Variants in ART1 observed in about 807,000 individuals in gnomAD.
ART1 encodes the protein GPI-linked NAD(P)(+)--arginine ADP-ribosyltransferase 1.
A neutral mutation model predicts 27.0 loss-of-function variants in ART1; 29 were observed. The observed-to-expected ratio is 1.08, with a 90% confidence interval of 0.80 to 1.47. ART1 has a LOEUF of 1.47. Among genes scored for constraint, ART1 ranks in the 40% most tolerant of loss-of-function variants. ART1 has a pLI of 0.00. For missense variants in ART1, 480 were observed against 423.0 expected (o/e 1.13, Z -1.18); for synonymous variants, 201 against 172.2 (o/e 1.17, Z -1.31).
chr11:3,651,313 A>G (rs1378332561), intron 1 of ART1, among the ~76,000 whole-genome samples: 1 of 151,056 alleles, frequency 6.6e-6, no homozygotes, highest in Admixed American at 6.6e-5. Context: ...AAGGCTTCAC[A>G]GACAGCCCCC....
rs529846884 is a variant in ART1, at chr11:3,662,156, T to C, written c.886+743T>C. Among the ~76,000 whole-genome samples the C allele has an allele frequency of 6.2e-4, 94 of 152,352 alleles. No homozygotes were observed. In the South Asian group the frequency reaches 0.013, roughly 20 times the overall value. On this transcript the variant is annotated intron_variant, in intron 4 of 4. Coordinates refer to ENST00000250693, the MANE Select transcript of ART1 (RefSeq NM_004314.3). ...GAAGGCCATGAGGCCAGGCTTTTGG[T>C]GCTGGAGGCCTGGGCTCTAGTCCAG...
chr11:3,659,886 G>C lies in ART1; in HGVS notation c.367G>C (p.Ala123Pro). 1 of 1,612,728 alleles carries C rather than the reference G, an allele frequency of 6.2e-7. No homozygotes were observed. The highest frequency in any genetic ancestry group is 1.3e-5 in the African/African-American group (1 of 75,048). ...EHGVALLAYT[A>P]NSPLHKEFNA... ...TGGGGTGGCCCTCCTGGCCTACACA[G>C]CCAACAGCCCCCTGCACAAGGAGTT... Residue 123 changes from alanine (A) to proline (P), a missense_variant, in exon 3 of 5, where the codon GCC (alanine) becomes CCC (proline). Ala to Pro is a conservative substitution (Grantham distance 27, BLOSUM62 -1). Coordinates refer to ENST00000250693, the MANE Select transcript of ART1 (RefSeq NM_004314.3).
intron 1 of ART1, among the ~76,000 whole-genome samples, chr11:3,656,655 T>A (rs1264355631): frequency 1.3e-5 from 2 of 152,112 alleles, no homozygotes; most frequent in Non-Finnish European, 2.9e-5. Context: ...GTTGTCCGGA[T>A]GTATTTTTTT....
chr11:3,653,026 C>A (rs61878543), intron 1 of ART1, among the ~76,000 whole-genome samples: 1 of 147,722 alleles, frequency 6.8e-6, no homozygotes, highest in African/African-American at 2.6e-5. Flanking sequence ...TTTCTTCTAA[C>A]AACCCCACAA....
At chr11:3,651,963 G>A (rs190236586) in intron 1 of ART1, among the ~76,000 whole-genome samples, 24,839 of 146,972 alleles carry the variant, frequency 0.17, 2,713 homozygotes, top group African/African-American at 0.31. Flanking sequence ...AGCAAAGGCA[G>A]GCTATGCTAT....
At chr11:3,657,142 G>C (rs967624142) in intron 1 of ART1, among the ~76,000 whole-genome samples, 2 of 152,196 alleles carry the variant, frequency 1.3e-5, no homozygotes, top group Admixed American at 6.5e-5. Context: ...AATGAGATTG[G>C]GGGCAGAGGC....
intron 1 of ART1, among the ~76,000 whole-genome samples, chr11:3,651,419 GATTA>G (rs1205720330): frequency 7.3e-6 from 1 of 136,638 alleles, no homozygotes; most frequent in African/African-American, 2.9e-5. Flanking sequence ...GATAGTGTCT[GATTA>G]ATCTCCCAAA....
intron 1 of ART1, among the ~76,000 whole-genome samples, chr11:3,655,275 A>T (rs369781020): frequency 6.6e-6 from 1 of 152,210 alleles, no homozygotes; most frequent in Non-Finnish European, 1.5e-5. Flanking sequence ...GGGTGCAGTG[A>T]GCTTCTTTGT....
Position 3,649,611 on chromosome 11 carries a change from T to A in ART1, c.-53+4432T>A, listed in dbSNP as rs148870616. ...CTCGCCAGGCTGAGCTAGGTCCCAA[T>A]TCTTCCTCAGCCTCAGCTCCTCCAC... On this transcript the variant is annotated intron_variant, in intron 1 of 4. Transcript: ENST00000250693. Among the ~76,000 whole-genome samples the A allele has an allele frequency of 9.7e-3, 1,475 of 152,202 alleles. 16 individuals are homozygous for A. The highest frequency in any genetic ancestry group is 0.029 in the African/African-American group (1,205 of 41,460).
chr11:3,663,073 CTCA>C (rs368163137), intron 4 of ART1, among the ~76,000 whole-genome samples: 658 of 99,398 alleles, frequency 6.6e-3, no homozygotes, highest in African/African-American at 0.012. Context: ...CTCATCTCAT[CTCA>C]TCATCTCATC....
intron 1 of ART1, among the ~76,000 whole-genome samples, chr11:3,648,636 C>G (rs1370385104): frequency 6.6e-6 from 1 of 152,206 alleles, no homozygotes; most frequent in Admixed American, 6.5e-5. Flanking sequence ...GCGCCGGTCA[C>G]GGACTGGGAA....
chr11:3,661,488 A>AAC, intron 4 of ART1, 75 bp downstream of exon 4: 1 of 365,738 alleles, frequency 2.7e-6, no homozygotes, highest in Non-Finnish European at 4.5e-6. Flanking sequence ...CATCACCTCG[A>AAC]TCTTTTTTTT....
At chr11:3,658,429 G>T (rs775227763) in intron 1 of ART1, among the ~76,000 whole-genome samples, 1 of 151,950 alleles carries the variant, frequency 6.6e-6, no homozygotes, top group Non-Finnish European at 1.5e-5. Flanking sequence ...GAACCACTTC[G>T]GGCACTCCGC....
At chr11:3,661,470 G>A (rs1708632073) in intron 4 of ART1, 57 bp downstream of exon 4, 2 of 1,311,104 alleles carry the variant, frequency 1.5e-6, no homozygotes, top group African/African-American at 1.5e-5. Flanking sequence ...CTGCTCTGGG[G>A]TTGGCCCCAT....
chr11:3,653,242 G>A lies in ART1; in HGVS notation c.-52-5920G>A, dbSNP rs529839801. On this transcript the variant is annotated intron_variant, in intron 1 of 4. Coordinates refer to ENST00000250693, the MANE Select transcript of ART1 (RefSeq NM_004314.3). ...GAAGACAGGAATGTCAGGCCTCTGA[G>A]CCGAAGCTAAGCCATCATGTCCCCT... is the stretch of plus-strand genomic sequence containing the variant. 1.0e-4 allele frequency among the ~76,000 whole-genome samples: 15 copies of A among 148,630 alleles called. 1 individual carries two copies. In the South Asian group the frequency reaches 2.4e-3, roughly 24 times the overall value.
Position 3,646,389 on chromosome 11 carries a change from C to T in ART1, c.-53+1210C>T, listed in dbSNP as rs1038179892. Among the ~76,000 whole-genome samples, 25 of 152,120 alleles carry T rather than the reference C, an allele frequency of 1.6e-4. No homozygotes were observed. The East Asian group carries it at 1.9e-3, about 12-fold the overall frequency. ...AGTTGGCAACTATGTGAATGTTTGA[C>T]GAATGATTGACTGAATGGACACCCA... On this transcript the variant is annotated intron_variant, in intron 1 of 4. Coordinates refer to ENST00000250693, the MANE Select transcript of ART1 (RefSeq NM_004314.3).
intron 1 of ART1, among the ~76,000 whole-genome samples, chr11:3,654,848 G>C (rs573694320): frequency 6.6e-6 from 1 of 152,154 alleles, no homozygotes. Flanking sequence ...CTAATTCCAT[G>C]TCCTCAGTCT....
At chr11:3,653,592 T>C (rs927086460) in intron 1 of ART1, among the ~76,000 whole-genome samples, 2 of 152,162 alleles carry the variant, frequency 1.3e-5, no homozygotes, top group Admixed American at 6.6e-5. Context: ...GCTTTATTGC[T>C]CACACAAAGC....
intron 1 of ART1, among the ~76,000 whole-genome samples, chr11:3,655,158 G>T (rs916258659): frequency 1.8e-4 from 28 of 152,174 alleles, no homozygotes; most frequent in African/African-American, 2.4e-5. Flanking sequence ...CTGGGCTCAG[G>T]TCTGTTCCTC....
Sources: gnomAD v4.1 joint callset for allele counts (sites outside exome capture counted in the v4.1 genomes callset) on GRCh38, gnomAD v4.1.1 for gene constraint, MANE v1.5 for transcripts, NCBI Gene and HGNC (gene_info 2026-07-23, HGNC 2026-07-21) for gene names.